The following AGBL4 variants were observed in gnomAD, a reference collection of about 807,000 sequenced individuals.
AGBL4 encodes the protein cytosolic carboxypeptidase 6.
Under a neutral mutation model 66.4 loss-of-function variants are expected in AGBL4, and 58 were observed. That is an observed-to-expected ratio of 0.87 (90% CI 0.71 to 1.09). The LOEUF (loss-of-function observed/expected upper bound fraction) is 1.09. AGBL4 is among the 50% of genes least tolerant of loss of function. AGBL4 has a pLI of 0.00. For synonymous variants in AGBL4, 234 were observed against 222.9 expected (o/e 1.05, Z -0.44); for missense variants, 579 against 631.0 (o/e 0.92, Z 0.88).
intron 5 of AGBL4, among the ~76,000 whole-genome samples, chr1:48,949,015 T>C (rs1001498601): frequency 1.3e-5 from 2 of 152,220 alleles, no homozygotes; most frequent in African/African-American, 2.4e-5. Flanking sequence ...ATTAGAAATG[T>C]TGTTTCTGAA....
At chr1:50,023,284 C>T (rs1662580547) in intron 1 of AGBL4, among the ~76,000 whole-genome samples, 1 of 152,206 alleles carries the variant, frequency 6.6e-6, no homozygotes, top group African/African-American at 2.4e-5. Flanking sequence ...CCTTCCATGG[C>T]ACTGTCTGAT....
At chr1:49,782,916 G>GCAAATTATT (rs1644369968) in intron 2 of AGBL4, among the ~76,000 whole-genome samples, 1 of 151,934 alleles carries the variant, frequency 6.6e-6, no homozygotes, top group African/African-American at 2.4e-5. Flanking sequence ...TCTGTTTATT[G>GCAAATTATT]CAAATTATTC....
intron 3 of AGBL4, among the ~76,000 whole-genome samples, chr1:49,515,553 A>G (rs1222757664): frequency 2.0e-5 from 3 of 151,926 alleles, no homozygotes; most frequent in Non-Finnish European, 4.4e-5. Flanking sequence ...TACCCAAAGG[A>G]TTATAAATCA....
At chr1:49,641,326 C>A (rs1196311577) in intron 3 of AGBL4, among the ~76,000 whole-genome samples, 4 of 151,992 alleles carry the variant, frequency 2.6e-5, no homozygotes. Context: ...CTGTAATAGC[C>A]TTGGATCACC....
intron 3 of AGBL4, among the ~76,000 whole-genome samples, chr1:49,401,362 C>T (rs11205624): frequency 0.81 from 123,576 of 152,090 alleles, 50,826 homozygotes; most frequent in African/African-American, 0.93. Context: ...TGGGGATTAT[C>T]AGAATTCAAG....
Position 49,073,232 on chromosome 1 carries a change from T to C in AGBL4, c.378-27432A>G, listed in dbSNP as rs539089422. ...GAGGAGTTTGTTATTACCCATCTTC[T>C]GAAGCCTACTTCTATGAGTTTGTCA... On this transcript the variant is annotated intron_variant, in intron 4 of 13. Coordinates refer to ENST00000371839, the MANE Select transcript of AGBL4 (RefSeq NM_032785.4). Among the ~76,000 whole-genome samples, 37 of 152,344 alleles carry C rather than the reference T, an allele frequency of 2.4e-4. 1 individual carries two copies. Among genetic ancestry groups the C allele is most frequent in the Non-Finnish European group, 5.0e-4 (34 of 68,034 alleles).
At chr1:49,273,072 T>C (rs1644094887) in intron 3 of AGBL4, among the ~76,000 whole-genome samples, 1 of 152,164 alleles carries the variant, frequency 6.6e-6, no homozygotes, top group African/African-American at 2.4e-5. Flanking sequence ...AATGTGAGCC[T>C]TTAAATCCTA....
At chr1:49,269,477 C>A (rs1644006255) in intron 3 of AGBL4, among the ~76,000 whole-genome samples, 1 of 152,160 alleles carries the variant, frequency 6.6e-6, no homozygotes, top group Admixed American at 6.5e-5. Flanking sequence ...ACAACCAGGC[C>A]TTTCCTTGCC....
intron 3 of AGBL4, among the ~76,000 whole-genome samples, chr1:49,647,070 T>A (rs969605050): frequency 6.6e-6 from 1 of 151,920 alleles, no homozygotes; most frequent in African/African-American, 2.4e-5. Context: ...CCTGAAATTA[T>A]AAAGACTTTA....
chr1:48,889,989 C>CGTGTGTGTGTGT (rs10557498), intron 5 of AGBL4, among the ~76,000 whole-genome samples: 12 of 148,646 alleles, frequency 8.1e-5, no homozygotes, highest in African/African-American at 3.0e-4. Context: ...AGCCTGCTTG[C>CGTGTGTGTGTGT]GTGTGTGTGT....
chr1:49,395,733 GTATATATATATATGTA>G (rs1557900004), intron 3 of AGBL4, among the ~76,000 whole-genome samples: 3 of 136,686 alleles, frequency 2.2e-5, no homozygotes, highest in Non-Finnish European at 4.6e-5. Flanking sequence ...CAAAATGTGT[GTATATATATATATGTA>G]TATATATATA....
At chr1:49,887,069 T>A (rs1477728668) in intron 1 of AGBL4, among the ~76,000 whole-genome samples, 12 of 151,708 alleles carry the variant, frequency 7.9e-5, no homozygotes, top group Non-Finnish European at 1.8e-4. Flanking sequence ...AGACTTAGGA[T>A]ATCCTTCAAG....
chr1:49,331,420 G>C (rs920339435), intron 3 of AGBL4, among the ~76,000 whole-genome samples: 1 of 152,142 alleles, frequency 6.6e-6, no homozygotes, highest in Admixed American at 6.5e-5. Context: ...GGGACAAGCC[G>C]CCATCTTTTC....
intron 5 of AGBL4, among the ~76,000 whole-genome samples, chr1:48,916,535 T>C (rs893284712): frequency 6.6e-6 from 1 of 150,886 alleles, no homozygotes; most frequent in African/African-American, 2.4e-5. Flanking sequence ...GTTCCGTTTT[T>C]TGTGTGTGTG....
chr1:48,670,395 C>T (rs1422260853), intron 6 of AGBL4, among the ~76,000 whole-genome samples: 3 of 152,252 alleles, frequency 2.0e-5, no homozygotes, highest in Non-Finnish European at 4.4e-5. Flanking sequence ...CCTCCTCTCA[C>T]TACACTGGGC....
chr1:48,693,406 G>T (rs1240381843), intron 6 of AGBL4, among the ~76,000 whole-genome samples: 1 of 152,190 alleles, frequency 6.6e-6, no homozygotes, highest in East Asian at 1.9e-4. Context: ...TGCTCCCAGA[G>T]TCCTTGACCC....
chr1:49,338,922 T>A (rs932249060), intron 3 of AGBL4, among the ~76,000 whole-genome samples: 1 of 152,106 alleles, frequency 6.6e-6, no homozygotes, highest in Non-Finnish European at 1.5e-5. Flanking sequence ...AAGTATGTGT[T>A]TTTTGAATGA....
chr1:48,616,137 G>T (rs1411993281), intron 9 of AGBL4, among the ~76,000 whole-genome samples: 1 of 152,164 alleles, frequency 6.6e-6, no homozygotes, highest in African/African-American at 2.4e-5. Context: ...TCATAGCAGG[G>T]TACTTGAACT....
intron 3 of AGBL4, among the ~76,000 whole-genome samples, chr1:49,251,647 G>A (rs1402923060): frequency 6.6e-6 from 1 of 152,178 alleles, no homozygotes; most frequent in East Asian, 1.9e-4. Flanking sequence ...TGTAGTGAAT[G>A]CCTGCAGGGA....
Sources: allele counts gnomAD v4.1 joint callset (sites outside exome capture counted in the v4.1 genomes callset), GRCh38; gene constraint gnomAD v4.1.1; transcripts MANE v1.5; gene names NCBI Gene and HGNC (gene_info 2026-07-23, HGNC 2026-07-21).